The following SDK2 variants were observed in gnomAD, a reference collection of about 807,000 sequenced individuals.
The protein encoded by SDK2 is protein sidekick-2.
In SDK2, 105 loss-of-function variants were observed where a neutral mutation model predicts 253.9. The ratio of observed to expected loss-of-function variants is 0.41; its 90% CI spans 0.35 to 0.49. SDK2 has a LOEUF of 0.49. SDK2 is among the 20% of genes least tolerant of loss of function. SDK2 has a pLI of 0.06. For missense variants in SDK2, 2,608 were observed against 3,003.0 expected, an observed-to-expected ratio of 0.87 and a Z score of 3.07; for synonymous variants, 1,249 against 1,234.9, an observed-to-expected ratio of 1.01 and a Z score of -0.24.
At chr17:73,525,718 C>T (rs1237160071) in intron 1 of SDK2, among the ~76,000 whole-genome samples, 1 of 152,104 alleles carries the variant, frequency 6.6e-6, no homozygotes, top group African/African-American at 2.4e-5. Flanking sequence ...CTCCCTTTTG[C>T]ACTGGCTCCC....
chr17:73,629,132 C>G lies in SDK2; in HGVS notation c.64+14893G>C, dbSNP rs979867695. The stretch of plus-strand genomic sequence containing the variant: ...GGCTCCTGAGCTCGCACCTCACTTG[C>G]CTTTCTTGGCTGCACATCCTCCTCT... On this transcript the variant is annotated intron_variant, in intron 1 of 44. Coordinates refer to ENST00000392650, the MANE Select transcript of SDK2 (RefSeq NM_001144952.2). This position sits in a 1 kb window ranked among gnomAD's most constrained non-coding sequence, Gnocchi z 5.0. 1.7e-4 allele frequency among the ~76,000 whole-genome samples: 26 copies of G among 152,200 alleles called. No homozygotes were observed. Among genetic ancestry groups the G allele is most frequent in the African/African-American group, 6.0e-4 (25 of 41,450 alleles).
chr17:73,594,293 C>T (rs1311174146), intron 1 of SDK2, among the ~76,000 whole-genome samples: 2 of 152,082 alleles, frequency 1.3e-5, no homozygotes, highest in African/African-American at 4.8e-5. Flanking sequence ...TGCTGGCCTT[C>T]CCCCGGGCAG....
intron 18 of SDK2, among the ~76,000 whole-genome samples, chr17:73,408,650 G>A (rs2063100885): frequency 6.6e-6 from 1 of 152,156 alleles, no homozygotes; most frequent in South Asian, 2.1e-4. Flanking sequence ...TGCAATCAGC[G>A]AAATCCAGAC....
chr17:73,478,834 C>A (rs942982873), intron 2 of SDK2, among the ~76,000 whole-genome samples: 1 of 152,234 alleles, frequency 6.6e-6, no homozygotes, highest in Non-Finnish European at 1.5e-5. Context: ...TAGGCACACT[C>A]TCCTTGTATT....
chr17:73,507,721 C>A, intron 1 of SDK2, 124 bp from the exon 2 acceptor site: 1 of 1,066,332 alleles, frequency 9.4e-7, no homozygotes, highest in Non-Finnish European at 1.3e-6. Context: ...GCCCAAGGTC[C>A]CGTGGCTGGG....
At position 73,455,444 on chromosome 17, in the gene SDK2, G is replaced by A. The variant is rs1027359203; in HGVS notation, c.479+462C>T. 3.9e-5 allele frequency among the ~76,000 whole-genome samples: 6 copies of A among 151,948 alleles called. No individual in the cohort carries two copies. Among genetic ancestry groups the A allele is most frequent in the Non-Finnish European group, 5.9e-5 (4 of 67,982 alleles). ...GGGCTTCCCTGGCCACACCTCCGCC[G>A]CACAGCCAAGACACACACAGCCCTC... On this transcript the variant is annotated intron_variant, in intron 4 of 44. Transcript: ENST00000392650. The surrounding 1 kb of genome is among the most constrained non-coding windows in gnomAD (Gnocchi z 5.0).
intron 40 of SDK2, among the ~76,000 whole-genome samples, chr17:73,356,869 C>T (rs10445234): frequency 0.54 from 81,701 of 152,136 alleles, 22,125 homozygotes; most frequent in Non-Finnish European, 0.58. Flanking sequence ...CAGAGTCCCA[C>T]GCTGGGCCTC....
intron 17 of SDK2, 116 bp from the exon 18 acceptor site, chr17:73,414,875 C>A (rs1005615436): frequency 9.7e-5 from 63 of 651,078 alleles, no homozygotes; most frequent in Non-Finnish European, 1.7e-5. Flanking sequence ...CACCCCCCTA[C>A]CCCACCCCAA....
chr17:73,353,090 CA>C (rs11370779), intron 40 of SDK2, among the ~76,000 whole-genome samples: 3 of 149,582 alleles, frequency 2.0e-5, no homozygotes, highest in African/African-American at 7.3e-5. Flanking sequence ...GACTCAGTCT[CA>C]AAAAAAAAAG....
Position 73,440,778 on chromosome 17 carries a change from C to T in SDK2, c.725+34G>A, listed in dbSNP as rs372456638. 1.1e-3 allele frequency: 1,662 copies of T among 1,451,908 alleles called. 14 individuals carry two copies. The African/African-American group carries it at 0.019, about 16-fold the overall frequency. The allele number at this position is 1,451,908 out of a possible 1,614,324, so 89.9% of individuals were successfully genotyped here. ...AGTTTGGGAGCAGCAGCTGGAGTTA[C>T]GGGTGCGGGAGCGAGGGAAGATGCA... On this transcript the variant is annotated intron_variant, in intron 6 of 44. Coordinates refer to ENST00000392650, the MANE Select transcript of SDK2 (RefSeq NM_001144952.2).
chr17:73,355,466 T>A (rs2062584348), intron 40 of SDK2, among the ~76,000 whole-genome samples: 1 of 151,802 alleles, frequency 6.6e-6, no homozygotes. Flanking sequence ...GCCTCCGGAG[T>A]AGCTGGGATT....
intron 12 of SDK2, among the ~76,000 whole-genome samples, chr17:73,426,481 G>GT (rs1457197953): frequency 6.6e-5 from 10 of 152,152 alleles, no homozygotes; most frequent in Admixed American, 1.3e-4. Context: ...CAGTACAGCT[G>GT]TTTTGTAATT....
chr17:73,602,995 G>A (rs915036850), intron 1 of SDK2, among the ~76,000 whole-genome samples: 9 of 152,182 alleles, frequency 5.9e-5, no homozygotes, highest in African/African-American at 2.2e-4. Flanking sequence ...AAAGTGTTGG[G>A]ATTATAGGCA....
intron 1 of SDK2, among the ~76,000 whole-genome samples, chr17:73,553,898 T>A (rs1234364212): frequency 6.6e-6 from 1 of 152,062 alleles, no homozygotes; most frequent in Non-Finnish European, 1.5e-5. Flanking sequence ...GCAGAAGACC[T>A]CTTCAAGGGG....
chr17:73,489,509 T>C (rs1477873201), intron 2 of SDK2, among the ~76,000 whole-genome samples: 1 of 152,224 alleles, frequency 6.6e-6, no homozygotes, highest in East Asian at 1.9e-4. Context: ...ACCGCCCAGA[T>C]GGCCGGAGCT....
At chr17:73,543,154 A>G (rs2044896881) in intron 1 of SDK2, among the ~76,000 whole-genome samples, 1 of 152,300 alleles carries the variant, frequency 6.6e-6, no homozygotes, top group East Asian at 1.9e-4. Flanking sequence ...AGTGACCGGC[A>G]GCCTTCCATT....
intron 1 of SDK2, among the ~76,000 whole-genome samples, chr17:73,552,060 C>A (rs1017208024): frequency 4.6e-5 from 7 of 152,126 alleles, no homozygotes; most frequent in African/African-American, 1.7e-4. Flanking sequence ...GCTGCAGTCC[C>A]CACCGCCTGC....
chr17:73,402,246 G>T, intron 18 of SDK2, 105 bp from the exon 19 acceptor site: 1 of 1,241,052 alleles, frequency 8.1e-7, no homozygotes, highest in Admixed American at 2.1e-5. Flanking sequence ...CCGGGGACCG[G>T]AGTCCCTGTG....
At chr17:73,498,052 C>T (rs545630330) in intron 2 of SDK2, among the ~76,000 whole-genome samples, 75 of 152,300 alleles carry the variant, frequency 4.9e-4, no homozygotes, top group Non-Finnish European at 9.7e-4. Flanking sequence ...CTTGAAAGCA[C>T]GCATCAAAAC....
Sources: gnomAD v4.1 joint callset for allele counts (sites outside exome capture counted in the v4.1 genomes callset) on GRCh38, gnomAD v4.1.1 for gene constraint, Gnocchi (gnomAD v3.1) non-coding constraint, MANE v1.5 for transcripts, NCBI Gene and HGNC (gene_info 2026-07-23, HGNC 2026-07-21) for gene names.